The following TBC1D5 variants were observed in gnomAD, a reference collection of about 807,000 sequenced individuals.
TBC1D5 encodes the protein TBC1 domain family, member 5.
A neutral mutation model predicts 100.3 loss-of-function variants in TBC1D5; 75 were observed. The ratio of observed to expected loss-of-function variants is 0.75; its 90% confidence interval spans 0.62 to 0.91. The LOEUF is 0.91. TBC1D5 is among the 40% of genes least tolerant of loss of function. TBC1D5 has a pLI of 0.00. For missense variants in TBC1D5, 910 were observed against 942.4 expected, an observed-to-expected ratio of 0.97 and a Z score of 0.45; for synonymous variants, 323 against 325.6, an observed-to-expected ratio of 0.99 and a Z score of 0.09.
intron 3 of TBC1D5, among the ~76,000 whole-genome samples, chr3:17,471,917 G>T (rs934257373): frequency 6.6e-6 from 1 of 151,908 alleles, no homozygotes; most frequent in African/African-American, 2.4e-5. Flanking sequence ...TGTGGGAGGC[G>T]GTCAGAACAT....
chr3:17,371,767 T>C (rs891633468), intron 13 of TBC1D5, among the ~76,000 whole-genome samples: 25 of 152,190 alleles, frequency 1.6e-4, no homozygotes, highest in Admixed American at 7.2e-4. Context: ...ATTGAAACTT[T>C]AGGCTGGGTG....
intron 2 of TBC1D5, among the ~76,000 whole-genome samples, chr3:17,613,178 T>G (rs2061828048): frequency 6.6e-6 from 1 of 152,198 alleles, no homozygotes; most frequent in Non-Finnish European, 1.5e-5. Flanking sequence ...GAATGATGGT[T>G]TCCAGCTTCA....
intron 13 of TBC1D5, among the ~76,000 whole-genome samples, chr3:17,365,026 T>C (rs2092015498): frequency 6.6e-6 from 1 of 152,238 alleles, no homozygotes; most frequent in Admixed American, 6.5e-5. Context: ...TGATGAATTA[T>C]GTAAACTTCC....
At position 17,250,790 on chromosome 3, in the gene TBC1D5, A is replaced by G. The variant is rs181127879; in HGVS notation, c.1331+7716T>C. Among the ~76,000 whole-genome samples the G allele has an allele frequency of 2.4e-4, 36 of 152,342 alleles. No individual in the cohort carries two copies. In the East Asian group the frequency reaches 6.7e-3, roughly 29 times the overall value. ...GTTATTGGTTTTGTGTTTCTTATAGAAATTCTCACTTCCTGATGTTATTTT... is the reference window on the plus strand; with the variant it reads ...GTTATTGGTTTTGTGTTTCTTATAGGAATTCTCACTTCCTGATGTTATTTT... On this transcript the variant is annotated intron_variant, in intron 16 of 21. Coordinates refer to ENST00000253692, the Ensembl canonical transcript of TBC1D5.
At chr3:17,674,279 C>A (rs949167294) in intron 1 of TBC1D5, among the ~76,000 whole-genome samples, 1 of 151,912 alleles carries the variant, frequency 6.6e-6, no homozygotes, top group South Asian at 2.1e-4. Context: ...TCATCTATTG[C>A]GAAATAGAAA....
intron 14 of TBC1D5, among the ~76,000 whole-genome samples, chr3:17,306,287 T>C (rs1291954590): frequency 6.6e-6 from 1 of 152,170 alleles, no homozygotes; most frequent in Non-Finnish European, 1.5e-5. Context: ...ACCAAATATG[T>C]TCATTTGAAA....
chr3:17,297,071 A>G (rs922299308), intron 14 of TBC1D5, among the ~76,000 whole-genome samples: 1 of 152,244 alleles, frequency 6.6e-6, no homozygotes, highest in African/African-American at 2.4e-5. Flanking sequence ...GTAAGTAAGC[A>G]AGTATAAAAG....
At chr3:17,732,768 T>C (rs1266697059) in intron 1 of TBC1D5, among the ~76,000 whole-genome samples, 5 of 117,024 alleles carry the variant, frequency 4.3e-5, no homozygotes, top group Admixed American at 3.5e-4. Flanking sequence ...ATATCTATAA[T>C]TCTCTGACCG....
intron 17 of TBC1D5, among the ~76,000 whole-genome samples, chr3:17,217,979 G>A (rs1185081022): frequency 2.0e-5 from 3 of 152,090 alleles, no homozygotes; most frequent in Admixed American, 1.3e-4. Flanking sequence ...TTCTAAGGGT[G>A]TTATAACTCC....
chr3:17,475,851 G>C (rs1231147265), intron 3 of TBC1D5, among the ~76,000 whole-genome samples: 1 of 151,998 alleles, frequency 6.6e-6, no homozygotes, highest in Non-Finnish European at 1.5e-5. Flanking sequence ...TTTCCAAAAT[G>C]TTTGAACCAA....
At chr3:17,555,932 T>C (rs1314829287) in intron 2 of TBC1D5, among the ~76,000 whole-genome samples, 1 of 152,250 alleles carries the variant, frequency 6.6e-6, no homozygotes, top group East Asian at 1.9e-4. Context: ...TGGAATCCCC[T>C]TGGACAACAA....
At chr3:17,273,832 C>T (rs1182800074) in intron 15 of TBC1D5, among the ~76,000 whole-genome samples, 10 of 146,000 alleles carry the variant, frequency 6.8e-5, no homozygotes, top group Non-Finnish European at 1.4e-4. Context: ...AAAAAAATTG[C>T]TAATCTGCAT....
intron 17 of TBC1D5, among the ~76,000 whole-genome samples, chr3:17,219,427 A>C (rs1303071042): frequency 1.3e-5 from 2 of 151,048 alleles, no homozygotes; most frequent in African/African-American, 4.9e-5. Flanking sequence ...TTCCTCTGAC[A>C]CAGTCTGTAT....
intron 2 of TBC1D5, among the ~76,000 whole-genome samples, chr3:17,578,389 A>C (rs775468625): frequency 7.2e-5 from 11 of 152,002 alleles, no homozygotes; most frequent in Non-Finnish European, 1.6e-4. Context: ...AAATCCAAAA[A>C]ATACAGGTTT....
At chr3:17,328,808 GAT>G (rs1251143793) in intron 13 of TBC1D5, among the ~76,000 whole-genome samples, 1 of 152,074 alleles carries the variant, frequency 6.6e-6, no homozygotes. Flanking sequence ...ATGGATTTTG[GAT>G]TTATGAATTC....
chr3:17,587,732 T>A (rs1255276525), intron 2 of TBC1D5, among the ~76,000 whole-genome samples: 1 of 152,030 alleles, frequency 6.6e-6, no homozygotes, highest in Non-Finnish European at 1.5e-5. Context: ...ATATTATACA[T>A]ATGGAAAATA....
At chr3:17,347,129 G>A (rs960234488) in intron 13 of TBC1D5, among the ~76,000 whole-genome samples, 2 of 152,086 alleles carry the variant, frequency 1.3e-5, no homozygotes, top group East Asian at 1.9e-4. Context: ...TTTCAAGAGG[G>A]TGGTACTTGG....
chr3:17,427,886 G>C (rs1007532470), intron 4 of TBC1D5, among the ~76,000 whole-genome samples: 1 of 151,784 alleles, frequency 6.6e-6, no homozygotes, highest in Non-Finnish European at 1.5e-5. Flanking sequence ...AAGTTATGAG[G>C]AGAATATTAA....
chr3:17,324,238 G>A (rs993587598), intron 13 of TBC1D5, among the ~76,000 whole-genome samples: 3 of 152,214 alleles, frequency 2.0e-5, no homozygotes, highest in Admixed American at 6.5e-5. Flanking sequence ...AGAAAATCTT[G>A]TGACACTGAT....
Sources: allele counts gnomAD v4.1 joint callset (sites outside exome capture counted in the v4.1 genomes callset), GRCh38; gene constraint gnomAD v4.1.1; transcripts MANE v1.5; gene names NCBI Gene and HGNC (gene_info 2026-07-23, HGNC 2026-07-21).